The following ANKS1B variants were observed in gnomAD, a reference collection of about 807,000 sequenced individuals.
The protein encoded by ANKS1B is ankyrin repeat and sterile alpha motif domain-containing protein 1B.
In ANKS1B, 36 loss-of-function variants were observed where a neutral mutation model predicts 148.3. The observed-to-expected ratio is 0.24, with a 90% CI of 0.19 to 0.32. ANKS1B has a LOEUF of 0.32. Among genes scored for constraint, ANKS1B ranks in the 10% least tolerant of loss-of-function variants. The pLI, the probability that ANKS1B is intolerant of heterozygous loss-of-function variation, is 1.00. For missense variants in ANKS1B, 1,157 were observed against 1,542.6 expected, an observed-to-expected ratio of 0.75 and a Z score of 4.19; for synonymous variants, 542 against 560.8, an observed-to-expected ratio of 0.97 and a Z score of 0.47.
At chr12:99,897,189 C>T (rs2093415400) in intron 1 of ANKS1B, among the ~76,000 whole-genome samples, 1 of 151,164 alleles carries the variant, frequency 6.6e-6, no homozygotes, top group Admixed American at 6.6e-5. Flanking sequence ...TGCCTTGACA[C>T]ATACATATTT....
intron 12 of ANKS1B, among the ~76,000 whole-genome samples, chr12:99,357,828 C>T (rs1401525482): frequency 1.3e-5 from 2 of 152,170 alleles, no homozygotes; most frequent in South Asian, 2.1e-4. Flanking sequence ...AGTATCAACT[C>T]ATATTGTAAC....
chr12:99,171,342 C>A (rs896150298), intron 14 of ANKS1B, among the ~76,000 whole-genome samples: 2 of 152,080 alleles, frequency 1.3e-5, no homozygotes, highest in African/African-American at 4.8e-5. Flanking sequence ...AAAAGGATAG[C>A]CATTCTGAAA....
chr12:99,940,061 T>C (rs996653), intron 1 of ANKS1B, among the ~76,000 whole-genome samples: 92,470 of 152,128 alleles, frequency 0.61, 29,305 homozygotes, highest in African/African-American at 0.7. Context: ...AAAATCATTC[T>C]TATAACATTA....
intron 17 of ANKS1B, chr12:98,895,292 G>C: frequency 2.0e-6 from 2 of 985,344 alleles, no homozygotes; most frequent in Non-Finnish European, 2.4e-6. Flanking sequence ...CGGTTACTAT[G>C]GATATCTCGC....
At chr12:98,811,886 C>T (rs1261532955) in intron 19 of ANKS1B, among the ~76,000 whole-genome samples, 1 of 152,062 alleles carries the variant, frequency 6.6e-6, no homozygotes, top group African/African-American at 2.4e-5. Flanking sequence ...ATAGATCTTT[C>T]ACTACTCACA....
intron 1 of ANKS1B, among the ~76,000 whole-genome samples, chr12:99,963,064 CG>C (rs2095437902): frequency 6.6e-6 from 1 of 152,162 alleles, no homozygotes; most frequent in South Asian, 2.1e-4. Context: ...GCACCCACCT[CG>C]GCCTCCCAAA....
At chr12:99,028,374 G>A (rs1568436342) in intron 17 of ANKS1B, among the ~76,000 whole-genome samples, 1 of 152,164 alleles carries the variant, frequency 6.6e-6, no homozygotes, top group Non-Finnish European at 1.5e-5. Context: ...TGTTGCTTTA[G>A]GGAGTAAAAG....
chr12:99,254,262 TTAGTA>T (rs2074996403), intron 12 of ANKS1B, among the ~76,000 whole-genome samples: 1 of 152,214 alleles, frequency 6.6e-6, no homozygotes, highest in African/African-American at 2.4e-5. Context: ...ATACACTAAA[TTAGTA>T]GTTATCAAAG....
intron 1 of ANKS1B, among the ~76,000 whole-genome samples, chr12:99,937,504 T>C (rs903145857): frequency 6.6e-6 from 1 of 152,200 alleles, no homozygotes; most frequent in East Asian, 1.9e-4. Context: ...CAGACAAAAA[T>C]CAAAAGCCCT....
chr12:99,922,668 T>A (rs369554536), intron 1 of ANKS1B, among the ~76,000 whole-genome samples: 11 of 152,242 alleles, frequency 7.2e-5, no homozygotes, highest in African/African-American at 2.2e-4. Context: ...ATGTAAACTA[T>A]GGTTTGAATG....
chr12:99,490,440 C>T (rs1191081907), intron 10 of ANKS1B, among the ~76,000 whole-genome samples: 1 of 152,176 alleles, frequency 6.6e-6, no homozygotes, highest in Non-Finnish European at 1.5e-5. Flanking sequence ...ATATTTTGTA[C>T]ATTATTTATT....
chr12:98,783,738 A>G (rs542658251), intron 22 of ANKS1B, among the ~76,000 whole-genome samples: 1 of 152,238 alleles, frequency 6.6e-6, no homozygotes, highest in South Asian at 2.1e-4. Flanking sequence ...TGGAGATGAG[A>G]GTGGTAGAGT....
At chr12:99,138,913 GTC>G (rs2069085567) in intron 15 of ANKS1B, among the ~76,000 whole-genome samples, 4 of 151,528 alleles carry the variant, frequency 2.6e-5, no homozygotes, top group African/African-American at 7.3e-5. Flanking sequence ...TTCTTTCTTT[GTC>G]TCTCCCTTTC....
At chr12:99,275,605 AG>A (rs1566789364) in intron 12 of ANKS1B, among the ~76,000 whole-genome samples, 1 of 152,198 alleles carries the variant, frequency 6.6e-6, no homozygotes, top group East Asian at 1.9e-4. Flanking sequence ...ATGGACACTT[AG>A]GTTGTTTCCA....
intron 1 of ANKS1B, among the ~76,000 whole-genome samples, chr12:99,834,338 T>C (rs1246040655): frequency 1.3e-5 from 2 of 152,308 alleles, no homozygotes; most frequent in South Asian, 4.1e-4. Context: ...TTGGTCTTAG[T>C]CTAATACACA....
chr12:98,854,273 G>A (rs1236031753), intron 17 of ANKS1B, among the ~76,000 whole-genome samples: 1 of 152,182 alleles, frequency 6.6e-6, no homozygotes, highest in Non-Finnish European at 1.5e-5. Context: ...CCACGGGTGG[G>A]AATAGAAACT....
chr12:99,950,017 G>A (rs1381569054), intron 1 of ANKS1B, among the ~76,000 whole-genome samples: 2 of 151,718 alleles, frequency 1.3e-5, no homozygotes, highest in African/African-American at 2.4e-5. Flanking sequence ...CTGGAGTGCA[G>A]TAGCACGATC....
At chr12:99,024,704 G>T (rs556891804) in intron 17 of ANKS1B, among the ~76,000 whole-genome samples, 16 of 152,098 alleles carry the variant, frequency 1.1e-4, no homozygotes, top group African/African-American at 3.9e-4. Flanking sequence ...TAAAGAGACC[G>T]CCCTTCCTGG....
chr12:99,717,920 T>C (rs80198370), intron 8 of ANKS1B, among the ~76,000 whole-genome samples: 1 of 148,056 alleles, frequency 6.8e-6, no homozygotes, highest in African/African-American at 2.5e-5. Flanking sequence ...TTTTTTTTTT[T>C]TGAGACGGAG....
Sources: gnomAD v4.1 joint callset for allele counts (sites outside exome capture counted in the v4.1 genomes callset) on GRCh38, gnomAD v4.1.1 for gene constraint, MANE v1.5 for transcripts, NCBI Gene and HGNC (gene_info 2026-07-23, HGNC 2026-07-21) for gene names.